The following UFD1 variants were observed in gnomAD, a reference collection of about 807,000 sequenced individuals.
The protein encoded by UFD1 is ubiquitin recognition factor in ER associated degradation 1, also known as ubiquitin recognition factor in ER-associated degradation protein 1.
In UFD1, 13 loss-of-function variants were observed where a neutral mutation model predicts 45.9. The observed-to-expected ratio is 0.28, with a 90% CI of 0.18 to 0.45. The LOEUF (loss-of-function observed/expected upper bound fraction) is 0.45. Among genes scored for constraint, UFD1 ranks in the 20% least tolerant of loss-of-function variants. UFD1 has a pLI of 1.00. For synonymous variants in UFD1, 128 were observed against 139.2 expected (o/e 0.92, Z 0.56); for missense variants, 218 against 389.2 (o/e 0.56, Z 3.70).
At position 19,465,147 on chromosome 22, in the gene UFD1, G is replaced by C. The variant is rs2089793080; in HGVS notation, c.495+55C>G. 2.6e-6 allele frequency: 4 copies of C among 1,528,218 alleles called. No individual in the cohort carries two copies. In the East Asian group the frequency reaches 6.8e-5, roughly 26 times the overall value. The allele number at this position is 1,528,218 out of a possible 1,614,324, so 94.7% of individuals were successfully genotyped here. A position where few individuals can be genotyped will look rare whatever the true frequency, so the allele number is the denominator to read the frequency against. On this transcript the variant is annotated intron_variant, in intron 6 of 11. Transcript: ENST00000263202. ...AAAAAGAAGCCCCATTCAAACATTA[G>C]AATGGACACTGCAGGTGGCTCTTGT...
chr22:19,455,541 G>T, intron 10 of UFD1, 139 bp downstream of exon 10: 1 of 741,878 alleles, frequency 1.3e-6, no homozygotes, highest in Non-Finnish European at 2.3e-6. Flanking sequence ...ACCCCACCAA[G>T]GAGAGCAGCT....
chr22:19,453,368 AAT>A, intron 11 of UFD1: 1 of 985,432 alleles, frequency 1.0e-6, no homozygotes, highest in Non-Finnish European at 1.2e-6. Flanking sequence ...TGCAGGATGG[AAT>A]AGAGCTAAAT....
At chr22:19,473,960 G>A (rs2089863697) in intron 3 of UFD1, among the ~76,000 whole-genome samples, 1 of 152,166 alleles carries the variant, frequency 6.6e-6, no homozygotes, top group Non-Finnish European at 1.5e-5. Flanking sequence ...ATTCACACCA[G>A]AAACACTCTT....
At chr22:19,464,507 G>C (rs5993647) in intron 6 of UFD1, among the ~76,000 whole-genome samples, 79,073 of 152,164 alleles carry the variant, frequency 0.52, 20,695 homozygotes, top group South Asian at 0.61. Context: ...GAAAGTGAAT[G>C]CTTTCTTGAA....
intron 1 of UFD1, among the ~76,000 whole-genome samples, chr22:19,475,998 A>G (rs1601904577): frequency 6.6e-6 from 1 of 152,300 alleles, no homozygotes. Flanking sequence ...AGCACAAGGG[A>G]AGCACCACTC....
At position 19,450,436 on chromosome 22, in the gene UFD1, C is replaced by T; in HGVS notation, c.*234G>A. On this transcript the variant is annotated 3_prime_UTR_variant, in exon 12 of 12. Transcript: ENST00000263202. ...AAAGCGTGAAGAGGTGAGGAGGCAG[C>T]TATCTACAGGCCCTCAGGGACAGCT... is the stretch of plus-strand genomic sequence containing the variant. 1 of 511,020 alleles carries T rather than the reference C, an allele frequency of 2.0e-6. No homozygotes were observed. Among genetic ancestry groups the T allele is most frequent in the Admixed American group, 3.3e-5 (1 of 30,524 alleles). The allele number at this position is 511,020 out of a possible 1,614,324, so 31.7% of individuals were successfully genotyped here. A position where few individuals can be genotyped will look rare whatever the true frequency, so the allele number is the denominator to read the frequency against.
Position 19,452,020 on chromosome 22 carries a change from G to A in UFD1, c.850-1276C>T, listed in dbSNP as rs140391531. The A allele has an allele frequency of 2.2e-3, 1,753 of 811,738 alleles. 26 individuals carry two copies. The African/African-American group carries it at 0.03, about 14-fold the overall frequency. The allele number at this position is 811,738 out of a possible 1,614,324, so 50.3% of individuals were successfully genotyped here. ...AGCTTCCTGAGAAAAGATGCATGAG[G>A]ATTATCTTCTTGTGAGTTCCTTTTT... On this transcript the variant is annotated intron_variant, in intron 11 of 11. Coordinates refer to ENST00000263202, the MANE Select transcript of UFD1 (RefSeq NM_005659.7).
chr22:19,470,306 G>A (rs988195100), intron 4 of UFD1, among the ~76,000 whole-genome samples: 4 of 152,184 alleles, frequency 2.6e-5, no homozygotes, highest in South Asian at 2.1e-4. Context: ...GGCTCTTGTC[G>A]GGGAGACACT....
At position 19,454,816 on chromosome 22, in the gene UFD1, T is replaced by C; in HGVS notation, c.782A>G (p.Tyr261Cys). The C allele has an allele frequency of 6.2e-7, 1 of 1,613,588 alleles. No individual in the cohort carries two copies. Among genetic ancestry groups the C allele is most frequent in the Non-Finnish European group, 8.5e-7 (1 of 1,179,844 alleles). The change falls in exon 11 of 12, where the codon TAT (tyrosine) becomes TGT (cysteine). Residue 261 changes from tyrosine (Y) to cysteine (C), a missense_variant. This residue lies in a region of UFD1 where 69 missense variants were observed against 81.7 expected (regional missense o/e 0.84). Coordinates refer to ENST00000263202, the MANE Select transcript of UFD1 (RefSeq NM_005659.7). ...AGTTATCTTACCAAGTTTAAATTCA[T>C]AATTGGGAATTCCTCTGTAAGAAGA... is the stretch of plus-strand genomic sequence containing the variant. ...PGDIKRGIPN[Y>C]EFKLGKITFI... is the part of the protein sequence containing the mutation.
intron 11 of UFD1, chr22:19,451,944 C>T: frequency 1.0e-6 from 1 of 985,412 alleles, no homozygotes; most frequent in South Asian, 4.7e-5. Context: ...GATTCTATGA[C>T]TTTCTTATTT....
intron 5 of UFD1, 55 bp from the exon 6 acceptor site, chr22:19,465,329 C>G: frequency 6.6e-7 from 1 of 1,505,752 alleles, no homozygotes; most frequent in Non-Finnish European, 9.2e-7. Context: ...TAATCTGAAA[C>G]AAGTTTCCAT....
At chr22:19,460,387 AG>A (rs1225287188) in intron 6 of UFD1, among the ~76,000 whole-genome samples, 1 of 152,272 alleles carries the variant, frequency 6.6e-6, no homozygotes, top group Non-Finnish European at 1.5e-5. Flanking sequence ...AAGAATTGGA[AG>A]ACAGTACCCT....
chr22:19,450,972 C>A, intron 11 of UFD1: 1 of 1,202,374 alleles, frequency 8.3e-7, no homozygotes, highest in South Asian at 1.7e-5. Flanking sequence ...CCCATCTCTA[C>A]CAAAAATAGC....
At chr22:19,470,663 A>C (rs1325975577) in intron 4 of UFD1, 1 of 443,980 alleles carries the variant, frequency 2.3e-6, no homozygotes, top group Non-Finnish European at 4.5e-6. Flanking sequence ...GCTAGTCTCG[A>C]ACTCCTGACC....
At chr22:19,477,914 C>G (rs2146313819) in intron 1 of UFD1, among the ~76,000 whole-genome samples, 1 of 152,174 alleles carries the variant, frequency 6.6e-6, no homozygotes, top group South Asian at 2.1e-4. Flanking sequence ...AATCTTTTGT[C>G]TTTCTTCTTT....
intron 6 of UFD1, among the ~76,000 whole-genome samples, chr22:19,460,445 T>A (rs2089757828): frequency 6.6e-6 from 1 of 152,236 alleles, no homozygotes; most frequent in Non-Finnish European, 1.5e-5. Context: ...TGTGACATTT[T>A]CCATTTACTT....
chr22:19,471,937 C>T (rs2089849289), intron 3 of UFD1, 129 bp from the exon 4 acceptor site: 1 of 1,331,082 alleles, frequency 7.5e-7, no homozygotes, highest in Non-Finnish European at 1.0e-6. Flanking sequence ...CAGATGAATC[C>T]CCCTCTGTGA....
chr22:19,467,992 G>A lies in UFD1; in HGVS notation c.303C>T (p.Asn101=). 1 of 1,614,124 alleles carries A rather than the reference G, an allele frequency of 6.2e-7. No individual in the cohort carries two copies. Among genetic ancestry groups the A allele is most frequent in the Non-Finnish European group, 8.5e-7 (1 of 1,180,004 alleles). The part of the protein sequence containing the change: ...ICYLPHWMMQ[N]LLLEEGGLVQ... ...CCAGGCCGCCTTCTTCCAAGAGTAA[G>A]TTCTGCATCATCTGAAAGGAAGAAG... The change falls in exon 5 of 12, where the codon AAC becomes AAT. Residue 101 remains asparagine, a synonymous_variant. Transcript: ENST00000263202.
intron 4 of UFD1, chr22:19,470,014 G>A (rs751453608): frequency 3.7e-5 from 19 of 518,452 alleles, no homozygotes; most frequent in African/African-American, 3.5e-4. Flanking sequence ...AGAAGGGACT[G>A]GGGAAGTAGT....
Sources: gnomAD v4.1 joint callset for allele counts (sites outside exome capture counted in the v4.1 genomes callset) on GRCh38, gnomAD v4.1.1 for gene constraint, gnomAD v4.1.1 regional missense constraint, MANE v1.5 for transcripts, NCBI Gene and HGNC (gene_info 2026-07-23, HGNC 2026-07-21) for gene names.